AKIRIN1: variants seen among roughly 807,000 people sequenced by gnomAD.
AKIRIN1 encodes akirin 1.
In AKIRIN1, 4 loss-of-function variants were observed where a neutral mutation model predicts 25.9. The observed-to-expected ratio is 0.15, with a 90% CI of 0.08 to 0.35. AKIRIN1 has a LOEUF of 0.35. Ranked by LOEUF, AKIRIN1 falls within the 10% of genes least tolerant of loss-of-function variation. AKIRIN1 has a pLI of 1.00. For synonymous variants in AKIRIN1, 125 were observed against 105.1 expected (o/e 1.19, Z -1.16); for missense variants, 243 against 266.1 (o/e 0.91, Z 0.61).
intron 2 of AKIRIN1, among the ~76,000 whole-genome samples, chr1:38,999,652 A>G (rs1380580651): frequency 2.6e-5 from 4 of 152,144 alleles, no homozygotes; most frequent in African/African-American, 9.7e-5. Context: ...ATGGTTAACA[A>G]AACAGTTACA....
chr1:38,998,066 T>C (rs1271152638), intron 1 of AKIRIN1, 105 bp from the exon 2 acceptor site: 3 of 1,238,804 alleles, frequency 2.4e-6, no homozygotes, highest in Admixed American at 5.2e-5. Context: ...CCAAAGGGAG[T>C]ATCTAAAGTC....
At chr1:38,999,925 C>T (rs1027409448) in intron 2 of AKIRIN1, among the ~76,000 whole-genome samples, 1 of 151,734 alleles carries the variant, frequency 6.6e-6, no homozygotes, top group African/African-American at 2.4e-5. Flanking sequence ...CTCTGTCGCC[C>T]AGGCTGGAGT....
rs1163371143 is a variant in AKIRIN1, at chr1:39,000,847, G to A, written c.362-125G>A. On this transcript the variant is annotated intron_variant, in intron 2 of 4. Coordinates refer to ENST00000432648, the MANE Select transcript of AKIRIN1 (RefSeq NM_024595.3). ...AATTTTGTATTTTTAGTAGAGACTG[G>A]GTTTCTCCACGTTGTCAGGCTGGTC... is the stretch of plus-strand genomic sequence containing the variant. 6.5e-6 allele frequency: 7 copies of A among 1,080,146 alleles called. 1 individual carries two copies. The South Asian group carries it at 8.5e-5, about 13-fold the overall frequency. The allele number at this position is 1,080,146 out of a possible 1,614,324, so 66.9% of individuals were successfully genotyped here.
chr1:39,000,782 G>A (rs968335587), intron 2 of AKIRIN1, among the ~76,000 whole-genome samples, 190 bp from the exon 3 acceptor site: 1 of 151,776 alleles, frequency 6.6e-6, no homozygotes, highest in Admixed American at 6.6e-5. Context: ...TCAGCCTCCC[G>A]AGTAGCTGGG....
chr1:38,998,264 C>G lies in AKIRIN1; in HGVS notation c.314C>G (p.Ser105Trp). ...VVLNQSEACA[S>W]ESQPHSSALT... The stretch of plus-strand genomic sequence containing the variant: ...CTTAATCAGAGTGAAGCTTGTGCTT[C>G]GGAAAGTCAACCTCACTCCTCAGCA... Residue 105 changes from serine (S) to tryptophan (W), a missense_variant, in exon 2 of 5, where the codon TCG (serine) becomes TGG (tryptophan). Ser to Trp is a radical substitution (Grantham distance 177). Transcript: ENST00000432648. The G allele has an allele frequency of 1.2e-6, 2 of 1,613,842 alleles. No homozygotes were observed. The highest frequency in any genetic ancestry group is 1.3e-5 in the African/African-American group (1 of 75,028).
At chr1:38,992,995 G>C (rs944659761) in intron 1 of AKIRIN1, among the ~76,000 whole-genome samples, 1 of 152,158 alleles carries the variant, frequency 6.6e-6, no homozygotes, top group Non-Finnish European at 1.5e-5. Flanking sequence ...AAAGACAGGC[G>C]CCATAGATGG....
Position 39,004,271 on chromosome 1 carries a change from G to A in AKIRIN1, c.*216G>A. On this transcript the variant is annotated 3_prime_UTR_variant, in exon 5 of 5. Coordinates refer to ENST00000432648, the MANE Select transcript of AKIRIN1 (RefSeq NM_024595.3). ...TTCTGCTCATCCAATAAACAGCTGTGCCCTACTGTGATAGATTTTCCAAAC... is the reference window on the plus strand; with the variant it reads ...TTCTGCTCATCCAATAAACAGCTGTACCCTACTGTGATAGATTTTCCAAAC... 1 of 693,314 alleles carries A rather than the reference G, an allele frequency of 1.4e-6. No homozygotes were observed. Among genetic ancestry groups the A allele is most frequent in the Non-Finnish European group, 2.6e-6 (1 of 380,492 alleles). 42.9% of individuals were successfully genotyped at this position (693,314 alleles called of 1,614,324 possible). A position where few individuals can be genotyped will look rare whatever the true frequency, so the allele number is the denominator to read the frequency against.
In AKIRIN1 at chr1:38,991,343, C is replaced by T. The variant is rs1288184107; in HGVS notation, c.-38C>T. The T allele has an allele frequency of 5.2e-6, 7 of 1,333,424 alleles. No homozygotes were observed. The highest frequency in any genetic ancestry group is 1.9e-5 in the South Asian group (1 of 53,740). 82.6% of individuals were successfully genotyped at this position (1,333,424 alleles called of 1,614,324 possible). A position where few individuals can be genotyped will look rare whatever the true frequency, so the allele number is the denominator to read the frequency against. ...TGAGGAGCCTCTTGGGCCGCACTTA[C>T]CGCCGCGTCCGCTCCCGGTCCCTGG... On this transcript the variant is annotated 5_prime_UTR_variant, in exon 1 of 5. Coordinates refer to ENST00000432648, the MANE Select transcript of AKIRIN1 (RefSeq NM_024595.3).
Position 38,991,604 on chromosome 1 carries a change from A to G in AKIRIN1, c.220+4A>G. The G allele has an allele frequency of 9.3e-7, 1 of 1,079,870 alleles. No homozygotes were observed. The highest frequency in any genetic ancestry group is 1.1e-6 in the Non-Finnish European group (1 of 892,808). The allele number at this position is 1,079,870 out of a possible 1,614,324, so 66.9% of individuals were successfully genotyped here. A position where few individuals can be genotyped will look rare whatever the true frequency, so the allele number is the denominator to read the frequency against. On this transcript the variant is annotated splice_donor_region_variant and intron_variant, in intron 1 of 4. Transcript: ENST00000432648. Reference sequence around the variant, plus strand: ...GAGCGGCGCCTTCCAACTCCGGGTAACCTGCCCTGCTCTGGGTTTGGCAGG... The same window carrying G: ...GAGCGGCGCCTTCCAACTCCGGGTAGCCTGCCCTGCTCTGGGTTTGGCAGG...
chr1:39,003,287 C>T (rs1644008780), intron 3 of AKIRIN1, 60 bp from the exon 4 acceptor site: 1 of 1,523,576 alleles, frequency 6.6e-7, no homozygotes, highest in Admixed American at 1.7e-5. Flanking sequence ...GATCCTGACG[C>T]TTGATTCTTA....
Position 39,004,216 on chromosome 1 carries a change from C to T in AKIRIN1, c.*161C>T. On this transcript the variant is annotated 3_prime_UTR_variant, in exon 5 of 5. Coordinates refer to ENST00000432648, the MANE Select transcript of AKIRIN1 (RefSeq NM_024595.3). Reference sequence around the variant, plus strand: ...TTATACAACTTGAAAGACCGTAAAACTTTCTGGTTGCCACAAGCATATCTT... The same window carrying T: ...TTATACAACTTGAAAGACCGTAAAATTTTCTGGTTGCCACAAGCATATCTT... 1 of 796,360 alleles carries T rather than the reference C, an allele frequency of 1.3e-6. No homozygotes were observed. Among genetic ancestry groups the T allele is most frequent in the Non-Finnish European group, 2.2e-6 (1 of 454,094 alleles). The allele number at this position is 796,360 out of a possible 1,614,324, so 49.3% of individuals were successfully genotyped here.
rs762358751 is a variant in AKIRIN1, at chr1:39,000,953, C to T, written c.362-19C>T. On this transcript the variant is annotated intron_variant, in intron 2 of 4. Coordinates refer to ENST00000432648, the MANE Select transcript of AKIRIN1 (RefSeq NM_024595.3). ...TGAACCACCGCACCTGGCCCAAACT[C>T]ACTTTTTCTTTTGGCCAGGTTCCTC... The T allele has an allele frequency of 2.4e-5, 39 of 1,603,198 alleles. No homozygotes were observed. The highest frequency in any genetic ancestry group is 5.2e-5 in the Admixed American group (3 of 57,752).
intron 1 of AKIRIN1, among the ~76,000 whole-genome samples, chr1:38,994,111 C>A (rs1643929496): frequency 6.6e-6 from 1 of 151,184 alleles, no homozygotes. Context: ...GGCAATTTTT[C>A]TGAAATCCGA....
At chr1:38,993,915 A>G (rs1252461345) in intron 1 of AKIRIN1, among the ~76,000 whole-genome samples, 2 of 151,806 alleles carry the variant, frequency 1.3e-5, no homozygotes, top group Admixed American at 6.6e-5. Context: ...TACTAAAAAT[A>G]CAAAATTAGT....
At chr1:38,991,669 AGGGTTGGG>A in intron 1 of AKIRIN1, 69 bp downstream of exon 1, 1 of 90,088 alleles carries the variant, frequency 1.1e-5, no homozygotes, top group East Asian at 3.4e-4. Context: ...GTGGTGGGGG[AGGGTTGGG>A]AATACCAGGC....
At chr1:38,993,815 A>G (rs1014588909) in intron 1 of AKIRIN1, among the ~76,000 whole-genome samples, 1 of 152,064 alleles carries the variant, frequency 6.6e-6, no homozygotes, top group African/African-American at 2.4e-5. Flanking sequence ...TCACTCCTAT[A>G]ATCCCAGCAC....
At chr1:38,996,214 C>T (rs1185125270) in intron 1 of AKIRIN1, among the ~76,000 whole-genome samples, 4 of 151,918 alleles carry the variant, frequency 2.6e-5, no homozygotes, top group African/African-American at 9.7e-5. Context: ...CCTGCCTCAG[C>T]CTCCCAAGTA....
At position 38,994,226 on chromosome 1, in the gene AKIRIN1, A is replaced by G. The variant is rs571493584; in HGVS notation, c.220+2626A>G. ...TCTCATTTGGGGTAAGGGATGTTCAATTGGTAAGTATAATGCAACTATTCC... is the reference window on the plus strand; with the variant it reads ...TCTCATTTGGGGTAAGGGATGTTCAGTTGGTAAGTATAATGCAACTATTCC... On this transcript the variant is annotated intron_variant, in intron 1 of 4. Coordinates refer to ENST00000432648, the MANE Select transcript of AKIRIN1 (RefSeq NM_024595.3). Among the ~76,000 whole-genome samples, 75 of 152,298 alleles carry G rather than the reference A, an allele frequency of 4.9e-4. 1 individual carries two copies. The highest frequency in any genetic ancestry group is 1.7e-3 in the African/African-American group (72 of 41,572).
chr1:38,994,837 A>G lies in AKIRIN1; in HGVS notation c.220+3237A>G, dbSNP rs141761110. 4.6e-5 allele frequency among the ~76,000 whole-genome samples: 7 copies of G among 151,914 alleles called. 1 individual carries two copies. The East Asian group carries it at 1.4e-3, about 29-fold the overall frequency. On this transcript the variant is annotated intron_variant, in intron 1 of 4. Transcript: ENST00000432648. ...CCCAGAACGCTGGGATTACAGGCGC[A>G]TGCCACCATTCTCAGCTAATTTTTG...
Sources: allele counts gnomAD v4.1 joint callset (sites outside exome capture counted in the v4.1 genomes callset), GRCh38; gene constraint gnomAD v4.1.1; transcripts MANE v1.5; gene names NCBI Gene and HGNC (gene_info 2026-07-23, HGNC 2026-07-21).